PROZ: variants seen among roughly 807,000 people sequenced by gnomAD.
PROZ encodes vitamin K-dependent protein Z.
PROZ carries 46 observed loss-of-function variants against 34.9 expected under a neutral mutation model. The ratio of observed to expected loss-of-function variants is 1.32; its 90% CI spans 1.04 to 1.69. PROZ has a LOEUF of 1.69. PROZ is among the 40% of genes most tolerant of loss of function. The probability of loss-of-function intolerance (pLI) is 0.00; values close to 1 mark genes in which losing one functional copy is unlikely to be tolerated. For missense variants in PROZ, 530 were observed against 520.4 expected (o/e 1.02, Z -0.18); for synonymous variants, 195 against 208.5 (o/e 0.94, Z 0.56).
chr13:113,171,874 G>A lies in PROZ; in HGVS notation c.972G>A (p.Gly324=), dbSNP rs1261308210. The part of the protein sequence containing the change: ...LTTRPVTLVE[G]EECGQVLNVT... ...CGCGGCCTGTCACACTTGTGGAGGGGGAGGAGTGCGGGCAGGTCCTGAATG... is the reference window on the plus strand; with the variant it reads ...CGCGGCCTGTCACACTTGTGGAGGGAGAGGAGTGCGGGCAGGTCCTGAATG... The change falls in exon 8 of 8, where the codon GGG becomes GGA. Residue 324 remains glycine (G), a synonymous_variant. Transcript: ENST00000375547. This position sits in a 1 kb window ranked among gnomAD's most constrained non-coding sequence, Gnocchi z 5.1. 1 of 1,613,712 alleles carries A rather than the reference G, an allele frequency of 6.2e-7. No homozygotes were observed.
At chr13:113,165,756 C>T (rs2036910101) in intron 6 of PROZ, among the ~76,000 whole-genome samples, 2 of 152,192 alleles carry the variant, frequency 1.3e-5, no homozygotes, top group African/African-American at 4.8e-5. Flanking sequence ...GTCTCGAATG[C>T]CTGACCTCAA....
chr13:113,164,593 T>C lies in PROZ; in HGVS notation c.454T>C (p.Cys152Arg), dbSNP rs373848983. The C allele has an allele frequency of 6.2e-7, 1 of 1,614,006 alleles. No individual in the cohort carries two copies. The highest frequency in any genetic ancestry group is 1.3e-5 in the African/African-American group (1 of 75,030). The change falls in exon 5 of 8, where the codon TGT becomes CGT. Residue 152 changes from cysteine to arginine, a missense_variant. Cys to Arg is a radical substitution (Grantham distance 180, BLOSUM62 -3). Transcript: ENST00000375547. ...LPGQESYTCS[C>R]AQGYRLGEDH... is the part of the protein sequence containing the mutation. ...AGGACAGGAATCCTACACATGCAGC[T>C]GTGCTCAGGGCTACAGGCTTGGTGA...
intron 6 of PROZ, 142 bp downstream of exon 6, chr13:113,165,262 T>C (rs937655638): frequency 2.5e-6 from 2 of 789,874 alleles, no homozygotes; most frequent in Non-Finnish European, 4.3e-6. Context: ...CCAACCTCTA[T>C]TCACACTTCC....
rs2036719831 is a variant in PROZ, at chr13:113,159,300, T to G, written c.70+570T>G. The G allele has an allele frequency of 2.6e-6, 4 of 1,514,182 alleles. No individual in the cohort carries two copies. Among genetic ancestry groups the G allele is most frequent in the African/African-American group, 1.4e-5 (1 of 72,104 alleles). The allele number at this position is 1,514,182 out of a possible 1,614,324, so 93.8% of individuals were successfully genotyped here. A position where few individuals can be genotyped will look rare whatever the true frequency, so the allele number is the denominator to read the frequency against. On this transcript the variant is annotated intron_variant, in intron 1 of 7. Coordinates refer to ENST00000375547, the MANE Select transcript of PROZ (RefSeq NM_003891.3). This position sits in a 1 kb window ranked among gnomAD's most constrained non-coding sequence, Gnocchi z 4.6. ...ACACCCAGCATCCCCGCTGGCCCCA[T>G]GGTCTCCCGCTGGCCCCATGGTCTC...
At chr13:113,165,462 T>C (rs1046024196) in intron 6 of PROZ, among the ~76,000 whole-genome samples, 1 of 152,242 alleles carries the variant, frequency 6.6e-6, no homozygotes, top group African/African-American at 2.4e-5. Context: ...TAAATTTCTC[T>C]AGTTTGGCAT....
At position 113,159,917 on chromosome 13, in the gene PROZ, G is replaced by C. The variant is rs1396986602; in HGVS notation, c.71-97G>C. The C allele has an allele frequency of 1.4e-6, 2 of 1,452,420 alleles. No homozygotes were observed. Among genetic ancestry groups the C allele is most frequent in the African/African-American group, 2.8e-5 (2 of 71,546 alleles). The allele number at this position is 1,452,420 out of a possible 1,614,324, so 90.0% of individuals were successfully genotyped here. A position where few individuals can be genotyped will look rare whatever the true frequency, so the allele number is the denominator to read the frequency against. On this transcript the variant is annotated intron_variant, in intron 1 of 7. Transcript: ENST00000375547. The surrounding 1 kb of genome is among the most constrained non-coding windows in gnomAD (Gnocchi z 4.6). ...GCTGAGAGCCTGTGGAGACGGACGG[G>C]GCTGGGGCTGGCGGCCGGCCGGGGA...
chr13:113,165,240 T>C (rs1249769564), intron 6 of PROZ, 120 bp downstream of exon 6: 3 of 934,942 alleles, frequency 3.2e-6, no homozygotes, highest in East Asian at 2.6e-5. Context: ...GATGGGCTAC[T>C]GACTGCACTG....
chr13:113,168,179 A>C (rs957780296), intron 6 of PROZ, among the ~76,000 whole-genome samples: 5 of 152,274 alleles, frequency 3.3e-5, no homozygotes, highest in African/African-American at 1.2e-4. Context: ...AGAAGTTTAA[A>C]GAATAAGGAA....
chr13:113,158,790 T>C lies in PROZ; in HGVS notation c.70+60T>C, dbSNP rs2036707769. ...GCTGTGTCTTTCTTGACTCGGTCCATGGTGGATTTGTAGATGAGGCTTTTT... is the reference window on the plus strand; with the variant it reads ...GCTGTGTCTTTCTTGACTCGGTCCACGGTGGATTTGTAGATGAGGCTTTTT... On this transcript the variant is annotated intron_variant, in intron 1 of 7. Coordinates refer to ENST00000375547, the MANE Select transcript of PROZ (RefSeq NM_003891.3). This position sits in a 1 kb window ranked among gnomAD's most constrained non-coding sequence, Gnocchi z 4.3. 2 of 1,500,546 alleles carry C rather than the reference T, an allele frequency of 1.3e-6. No individual in the cohort carries two copies. Among genetic ancestry groups the C allele is most frequent in the Non-Finnish European group, 9.1e-7 (1 of 1,102,828 alleles). The allele number at this position is 1,500,546 out of a possible 1,614,324, so 93.0% of individuals were successfully genotyped here. A position where few individuals can be genotyped will look rare whatever the true frequency, so the allele number is the denominator to read the frequency against.
At position 113,172,346 on chromosome 13, in the gene PROZ, C is replaced by G. The variant is rs747927642; in HGVS notation, c.*241C>G. On this transcript the variant is annotated 3_prime_UTR_variant, in exon 8 of 8. Coordinates refer to ENST00000375547, the MANE Select transcript of PROZ (RefSeq NM_003891.3). Reference sequence around the variant, plus strand: ...AGACCTTAAAAGAAAACATGAGATACGTTAAATAATAAAATAAGATAATCT... The same window carrying G: ...AGACCTTAAAAGAAAACATGAGATAGGTTAAATAATAAAATAAGATAATCT... The G allele has an allele frequency of 9.0e-6, 5 of 556,044 alleles. No individual in the cohort carries two copies. Among genetic ancestry groups the G allele is most frequent in the Middle Eastern group, 4.9e-4 (1 of 2,028 alleles). The allele number at this position is 556,044 out of a possible 1,614,324, so 34.4% of individuals were successfully genotyped here.
At chr13:113,164,990 CAGAGTCCGATATTCGCTG>C (rs987702117) in intron 5 of PROZ, 45 bp from the exon 6 acceptor site, 158 of 1,482,100 alleles carry the variant, frequency 1.1e-4, no homozygotes, top group Middle Eastern at 3.4e-4. Context: ...ACACCATAGA[CAGAGTCCGATATTCGCTG>C]AGAAGGCGCT....
In PROZ at chr13:113,160,192, C is replaced by T. The variant is rs2036737307; in HGVS notation, c.234+15C>T. ...AAGTAGTCACTGTATGTACCCCCAC[C>T]ACAAACCACAGGCCTCCTCATTATT... On this transcript the variant is annotated intron_variant, in intron 2 of 7. Transcript: ENST00000375547. 6.2e-7 allele frequency: 1 copy of T among 1,613,190 alleles called. No individual in the cohort carries two copies. Among genetic ancestry groups the T allele is most frequent in the African/African-American group, 1.3e-5 (1 of 74,916 alleles).
In PROZ at chr13:113,171,596, T is replaced by G. The variant is rs779399954; in HGVS notation, c.694T>G (p.Phe232Val). The change falls in exon 8 of 8, where the codon TTT (phenylalanine) becomes GTT (valine). Residue 232 changes from phenylalanine (F) to valine (V), a missense_variant and splice_region_variant. Physicochemically the swap from Phe to Val is conservative, Grantham distance 50 (BLOSUM62 -1). Coordinates refer to ENST00000375547, the MANE Select transcript of PROZ (RefSeq NM_003891.3). The surrounding 1 kb of genome is among the most constrained non-coding windows in gnomAD (Gnocchi z 5.1). The part of the protein sequence containing the change: ...LHRNITVKTY[F>V]NRTSQDPLMI... Reference sequence around the variant, plus strand: ...CTGACGATTGTTCATGATTTCAGATTTTAACAGAACGAGCCAAGACCCGCT... The same window carrying G: ...CTGACGATTGTTCATGATTTCAGATGTTAACAGAACGAGCCAAGACCCGCT... 1.2e-6 allele frequency: 2 copies of G among 1,613,970 alleles called. No homozygotes were observed. The highest frequency in any genetic ancestry group is 2.7e-5 in the African/African-American group (2 of 74,924).
At position 113,159,924 on chromosome 13, in the gene PROZ, G is replaced by A. The variant is rs2036731806; in HGVS notation, c.71-90G>A. ...GCCTGTGGAGACGGACGGGGCTGGGGCTGGCGGCCGGCCGGGGAGGAAGCC... is the reference window on the plus strand; with the variant it reads ...GCCTGTGGAGACGGACGGGGCTGGGACTGGCGGCCGGCCGGGGAGGAAGCC... On this transcript the variant is annotated intron_variant, in intron 1 of 7. Transcript: ENST00000375547. The surrounding 1 kb of genome is among the most constrained non-coding windows in gnomAD (Gnocchi z 4.6). The A allele has an allele frequency of 1.3e-6, 2 of 1,502,068 alleles. No homozygotes were observed. The highest frequency in any genetic ancestry group is 1.8e-6 in the Non-Finnish European group (2 of 1,081,130). 93.0% of individuals were successfully genotyped at this position (1,502,068 alleles called of 1,614,324 possible).
At position 113,160,129 on chromosome 13, in the gene PROZ, C is replaced by A. The variant is rs1397255477; in HGVS notation, c.186C>A (p.Ile62=). 1.9e-6 allele frequency: 3 copies of A among 1,614,008 alleles called. No individual in the cohort carries two copies. Among genetic ancestry groups the A allele is most frequent in the Non-Finnish European group, 2.5e-6 (3 of 1,180,030 alleles). The change falls in exon 2 of 8, where the codon ATC becomes ATA. Residue 62 remains isoleucine, a synonymous_variant. Transcript: ENST00000375547. ...TGGAAAAAGAATGTTATGAAGAAAT[C>A]TGTGTCTATGAAGAAGCAAGAGAAG... ...GNLEKECYEE[I]CVYEEAREVF...
At position 113,172,378 on chromosome 13, in the gene PROZ, C is replaced by G. The variant is rs370345700; in HGVS notation, c.*273C>G. ...TAATAAAATAAGATAATCTGTCAGT[C>G]ATAAAGCAGCCTGGTTTCCAGAAAT... On this transcript the variant is annotated 3_prime_UTR_variant, in exon 8 of 8. Coordinates refer to ENST00000375547, the MANE Select transcript of PROZ (RefSeq NM_003891.3). 3 of 461,454 alleles carry G rather than the reference C, an allele frequency of 6.5e-6. No individual in the cohort carries two copies. The highest frequency in any genetic ancestry group is 4.5e-5 in the East Asian group (1 of 22,380). 28.6% of individuals were successfully genotyped at this position (461,454 alleles called of 1,614,324 possible).
In PROZ at chr13:113,160,306, C is replaced by G. The variant is rs2036738891; in HGVS notation, c.234+129C>G. 3 of 1,183,266 alleles carry G rather than the reference C, an allele frequency of 2.5e-6. No homozygotes were observed. In the South Asian group the frequency reaches 3.7e-5, roughly 15 times the overall value. The allele number at this position is 1,183,266 out of a possible 1,614,324, so 73.3% of individuals were successfully genotyped here. A position where few individuals can be genotyped will look rare whatever the true frequency, so the allele number is the denominator to read the frequency against. On this transcript the variant is annotated intron_variant, in intron 2 of 7. Transcript: ENST00000375547. ...TACTTACCGATGAGGTTGACACAAT[C>G]CCAGTTTTACAGATGAGGAAACAAT...
intron 4 of PROZ, among the ~76,000 whole-genome samples, chr13:113,163,354 C>A (rs561025210): frequency 1.2e-4 from 18 of 152,264 alleles, no homozygotes; most frequent in Non-Finnish European, 2.4e-4. Flanking sequence ...GGCCCCCATA[C>A]TTTTCATAGC....
At chr13:113,164,480 G>A (rs1190824526) in intron 4 of PROZ, 33 bp from the exon 5 acceptor site, 2 of 1,592,340 alleles carry the variant, frequency 1.3e-6, no homozygotes, top group African/African-American at 2.9e-5. Flanking sequence ...CTATTTCCAA[G>A]CTAGCATTTC....
Sources: gnomAD v4.1 joint callset for allele counts (sites outside exome capture counted in the v4.1 genomes callset) on GRCh38, gnomAD v4.1.1 for gene constraint, Gnocchi (gnomAD v3.1) non-coding constraint, MANE v1.5 for transcripts, NCBI Gene and HGNC (gene_info 2026-07-23, HGNC 2026-07-21) for gene names.